The following OSBPL5 variants were observed in gnomAD, a reference collection of about 807,000 sequenced individuals.
OSBPL5 encodes oxysterol-binding protein-related protein 5.
A neutral mutation model predicts 111.2 loss-of-function variants in OSBPL5; 71 were observed. That is an observed-to-expected ratio of 0.64 (90% CI 0.53 to 0.78). The LOEUF (loss-of-function observed/expected upper bound fraction) is 0.78. OSBPL5 is among the 30% of genes least tolerant of loss of function. The probability of loss-of-function intolerance (pLI) is 0.00; values close to 1 mark genes in which losing one functional copy is unlikely to be tolerated. For missense variants in OSBPL5, 1,210 were observed against 1,189.3 expected, an observed-to-expected ratio of 1.02 and a Z score of -0.26; for synonymous variants, 549 against 513.9, an observed-to-expected ratio of 1.07 and a Z score of -0.93.
chr11:3,145,270 C>T (rs1157410205), intron 1 of OSBPL5, among the ~76,000 whole-genome samples: 5 of 152,230 alleles, frequency 3.3e-5, no homozygotes, highest in Admixed American at 3.3e-4. Flanking sequence ...CCCAGGGCTC[C>T]AGCCTCCGGA....
In OSBPL5 at chr11:3,140,793, C is replaced by G. The variant is rs1467889579; in HGVS notation, c.-21-11624G>C. ...GGGTACCTGGGGCGGCCCCTCATGTCCAGGAGCTGAGGCTGCCCCTGGGTG... is the reference window on the plus strand; with the variant it reads ...GGGTACCTGGGGCGGCCCCTCATGTGCAGGAGCTGAGGCTGCCCCTGGGTG... On this transcript the variant is annotated intron_variant, in intron 1 of 21. Transcript: ENST00000263650. This position sits in a 1 kb window ranked among gnomAD's most constrained non-coding sequence, Gnocchi z 4.5. Among the ~76,000 whole-genome samples, 1 of 152,264 alleles carries G rather than the reference C, an allele frequency of 6.6e-6. No individual in the cohort carries two copies. Among genetic ancestry groups the G allele is most frequent in the East Asian group, 1.9e-4 (1 of 5,166 alleles).
intron 12 of OSBPL5, 57 bp from the exon 13 acceptor site, chr11:3,101,756 C>G: frequency 2.8e-6 from 4 of 1,447,534 alleles, no homozygotes; most frequent in Non-Finnish European, 3.8e-6. Flanking sequence ...TCCCAGGAAG[C>G]GAGAGCCCAG....
rs141674445 is a variant in OSBPL5 at position 3,126,680 on chromosome 11, C to T, written c.137-125G>A. 10 of 710,286 alleles carry T rather than the reference C, an allele frequency of 1.4e-5. No individual in the cohort carries two copies. Among genetic ancestry groups the T allele is most frequent in the Admixed American group, 1.1e-4 (4 of 34,892 alleles). The allele number at this position is 710,286 out of a possible 1,614,324, so 44.0% of individuals were successfully genotyped here. ...GACCTGGGAGGGGCAGGAAGTCAGC[C>T]GGAGGTGGTGGCAGGAACAGGACAC... On this transcript the variant is annotated intron_variant, in intron 2 of 21. Coordinates refer to ENST00000263650, the MANE Select transcript of OSBPL5 (RefSeq NM_020896.4). This position sits in a 1 kb window ranked among gnomAD's most constrained non-coding sequence, Gnocchi z 6.5.
In OSBPL5 at chr11:3,088,269, C is replaced by A; in HGVS notation, c.2576G>T (p.Arg859Leu). The change falls in exon 22 of 22, where the codon CGA becomes CTA. Residue 859 changes from arginine (R) to leucine (L), a missense_variant. Physicochemically the swap from Arg to Leu is moderately radical, Grantham distance 102 (BLOSUM62 -2). Transcript: ENST00000263650. The stretch of plus-strand genomic sequence containing the variant: ...GAACACGCAGAGCAGGAACCAGGAT[C>A]GGGGGCTCTGCAGGAGGCCTGGGGT... ...APTPGLLQSPRSWFLLCVFLA... is the reference protein window; with the variant it reads ...APTPGLLQSPLSWFLLCVFLA... 6.2e-7 allele frequency: 1 copy of A among 1,608,732 alleles called. No homozygotes were observed. Among genetic ancestry groups the A allele is most frequent in the Non-Finnish European group, 8.5e-7 (1 of 1,177,676 alleles).
chr11:3,142,406 C>T lies in OSBPL5; in HGVS notation c.-21-13237G>A, dbSNP rs1162895117. Among the ~76,000 whole-genome samples, 1 of 152,186 alleles carries T rather than the reference C, an allele frequency of 6.6e-6. No homozygotes were observed. The highest frequency in any genetic ancestry group is 1.9e-4 in the East Asian group (1 of 5,192). On this transcript the variant is annotated intron_variant, in intron 1 of 21. Coordinates refer to ENST00000263650, the MANE Select transcript of OSBPL5 (RefSeq NM_020896.4). The surrounding 1 kb of genome is among the most constrained non-coding windows in gnomAD (Gnocchi z 7.1). ...CTGCTGGTCTGTACAACTGGGAAGCCCCTACCTCTCCACCACGACCCCTCC... is the reference window on the plus strand; with the variant it reads ...CTGCTGGTCTGTACAACTGGGAAGCTCCTACCTCTCCACCACGACCCCTCC...
In OSBPL5 at chr11:3,093,058, G is replaced by T. The variant is rs772496926; in HGVS notation, c.1947-6C>A. The T allele has an allele frequency of 3.2e-6, 5 of 1,564,000 alleles. No homozygotes were observed. The East Asian group carries it at 1.1e-4, about 36-fold the overall frequency. The stretch of plus-strand genomic sequence containing the variant: ...TGGTGACGTGCTGCCAGAGCCTGCG[G>T]GCCAGTGACCCATCCTGAGCCAGTG... On this transcript the variant is annotated splice_polypyrimidine_tract_variant and splice_region_variant and intron_variant, in intron 17 of 21. Transcript: ENST00000263650.
intron 1 of OSBPL5, among the ~76,000 whole-genome samples, chr11:3,150,630 G>C (rs887777479): frequency 3.9e-5 from 6 of 152,096 alleles, no homozygotes; most frequent in South Asian, 4.1e-4. Context: ...ACATGCCTCT[G>C]GGGGGAGCAG....
At position 3,112,017 on chromosome 11, in the gene OSBPL5, G is replaced by GCA. The variant is rs1857976402; in HGVS notation, c.692-4073_692-4072insTG. ...TGCATGTGTGTGTGTGTGCGCGCAT[G>GCA]TGTGTGCATGTGTGTGTATGTGTGC... On this transcript the variant is annotated intron_variant, in intron 7 of 21. Transcript: ENST00000263650. Among the ~76,000 whole-genome samples, 4 of 69,994 alleles carry GCA rather than the reference G, an allele frequency of 5.7e-5. No individual in the cohort carries two copies. In the South Asian group the frequency reaches 1.1e-3, roughly 19 times the overall value. 45.9% of individuals were successfully genotyped at this position (69,994 alleles called of 152,430 possible). A position where few individuals can be genotyped will look rare whatever the true frequency, so the allele number is the denominator to read the frequency against.
intron 1 of OSBPL5, among the ~76,000 whole-genome samples, chr11:3,151,751 C>T (rs1846594315): frequency 6.6e-6 from 1 of 152,254 alleles, no homozygotes; most frequent in Non-Finnish European, 1.5e-5. Context: ...GCCAGTCTGC[C>T]CCGTGGGAAG....
rs570377417 is a variant in OSBPL5 at position 3,154,596 on chromosome 11, G to A, written c.-22+10620C>T. On this transcript the variant is annotated intron_variant, in intron 1 of 21. Transcript: ENST00000263650. The surrounding 1 kb of genome is among the most constrained non-coding windows in gnomAD (Gnocchi z 4.9). ...TCTGATCACATCAAAATCTTACTCC[G>A]GGCAAATGCTGGGCCCTCACAGGGG... Among the ~76,000 whole-genome samples the A allele has an allele frequency of 5.5e-4, 84 of 152,194 alleles. No homozygotes were observed. The highest frequency in any genetic ancestry group is 2.3e-3 in the South Asian group (11 of 4,826).
rs1318538813 is a variant in OSBPL5 at position 3,161,798 on chromosome 11, C to T, written c.-22+3418G>A. Among the ~76,000 whole-genome samples, 2 of 152,188 alleles carry T rather than the reference C, an allele frequency of 1.3e-5. No individual in the cohort carries two copies. The highest frequency in any genetic ancestry group is 2.9e-5 in the Non-Finnish European group (2 of 68,046). ...CTGAGAGCTGCTTTGGAATGGGTAA[C>T]GGGCCAGGAACAGAGACTCTCTCAG... On this transcript the variant is annotated intron_variant, in intron 1 of 21. Coordinates refer to ENST00000263650, the MANE Select transcript of OSBPL5 (RefSeq NM_020896.4). The surrounding 1 kb of genome is among the most constrained non-coding windows in gnomAD (Gnocchi z 8.0).
At position 3,120,410 on chromosome 11, in the gene OSBPL5, C is replaced by T. The variant is rs775842876; in HGVS notation, c.606+11G>A. ...GGGGCCTCTGTCTTCAACCCCACCC[C>T]TCCGCAGCACCTTCACGGCCCAGAC... is the stretch of plus-strand genomic sequence containing the variant. On this transcript the variant is annotated intron_variant, in intron 6 of 21. Transcript: ENST00000263650. 8.1e-6 allele frequency: 13 copies of T among 1,610,156 alleles called. No individual in the cohort carries two copies. In the Admixed American group the frequency reaches 2.2e-4, roughly 27 times the overall value.
rs536455433 is a variant in OSBPL5, at chr11:3,141,649, C to T, written c.-21-12480G>A. On this transcript the variant is annotated intron_variant, in intron 1 of 21. Transcript: ENST00000263650. This position sits in a 1 kb window ranked among gnomAD's most constrained non-coding sequence, Gnocchi z 6.5. Reference sequence around the variant, plus strand: ...GGAACCCTTCTATGAACGGAAAGCTCGCACCTCGCTCAATGCATTGCCAAG... The same window carrying T: ...GGAACCCTTCTATGAACGGAAAGCTTGCACCTCGCTCAATGCATTGCCAAG... Among the ~76,000 whole-genome samples the T allele has an allele frequency of 2.0e-4, 30 of 152,288 alleles. No homozygotes were observed. The South Asian group carries it at 5.4e-3, about 27-fold the overall frequency.
At chr11:3,147,595 T>C (rs1037626442) in intron 1 of OSBPL5, among the ~76,000 whole-genome samples, 118 of 152,380 alleles carry the variant, frequency 7.7e-4, no homozygotes, top group Non-Finnish European at 7.9e-4. Flanking sequence ...AGGCGCCAAG[T>C]GCTCACGTGT....
intron 7 of OSBPL5, among the ~76,000 whole-genome samples, chr11:3,108,527 G>A (rs959725242): frequency 1.3e-5 from 2 of 152,174 alleles, no homozygotes; most frequent in Non-Finnish European, 2.9e-5. Flanking sequence ...GCCTGAGGCC[G>A]CCCAGAGGCT....
chr11:3,099,211 G>A (rs1857376250), intron 14 of OSBPL5, among the ~76,000 whole-genome samples: 1 of 152,172 alleles, frequency 6.6e-6, no homozygotes, highest in South Asian at 2.1e-4. Context: ...GGGCCTGGAG[G>A]GACTGAGGAA....
chr11:3,103,745 A>AG lies in OSBPL5; in HGVS notation c.1245-426_1245-425insC, dbSNP rs1564829784. On this transcript the variant is annotated intron_variant, in intron 10 of 21. Transcript: ENST00000263650. ...TCTGCTGCCCCTTCCTGCCTCTGCA[A>AG]CCCTCTTCCAGCTCTGCAGCCCCCT... is the stretch of plus-strand genomic sequence containing the variant. Among the ~76,000 whole-genome samples the AG allele has an allele frequency of 9.7e-5, 5 of 51,348 alleles. 1 individual carries two copies. Among genetic ancestry groups the AG allele is most frequent in the Non-Finnish European group, 1.2e-4 (3 of 24,554 alleles). The allele number at this position is 51,348 out of a possible 152,430, so 33.7% of individuals were successfully genotyped here. A position where few individuals can be genotyped will look rare whatever the true frequency, so the allele number is the denominator to read the frequency against.
intron 10 of OSBPL5, among the ~76,000 whole-genome samples, chr11:3,103,918 C>G (rs12418199): frequency 1.4e-5 from 2 of 143,280 alleles, no homozygotes; most frequent in South Asian, 2.3e-4. Context: ...CTTCCTGCCT[C>G]TGCAGCCCAT....
chr11:3,165,164 A>C lies in OSBPL5; in HGVS notation c.-22+52T>G, dbSNP rs1847082832. 6.7e-6 allele frequency: 1 copy of C among 149,722 alleles called. No individual in the cohort carries two copies. The highest frequency in any genetic ancestry group is 1.5e-5 in the Non-Finnish European group (1 of 67,178). The allele number at this position is 149,722 out of a possible 1,614,324, so 9.3% of individuals were successfully genotyped here. ...CGGCGGGGCCCTCCGGATCCTTCCC[A>C]GCCCGCCATCCCCCCGCCGCCCTGC... On this transcript the variant is annotated intron_variant, in intron 1 of 21. Coordinates refer to ENST00000263650, the MANE Select transcript of OSBPL5 (RefSeq NM_020896.4). This position sits in a 1 kb window ranked among gnomAD's most constrained non-coding sequence, Gnocchi z 7.4.
Sources: gnomAD v4.1 joint callset for allele counts (sites outside exome capture counted in the v4.1 genomes callset) on GRCh38, gnomAD v4.1.1 for gene constraint, Gnocchi (gnomAD v3.1) non-coding constraint, MANE v1.5 for transcripts, NCBI Gene and HGNC (gene_info 2026-07-23, HGNC 2026-07-21) for gene names.